Variants in FGD3 observed in about 807,000 individuals in gnomAD.
FGD3 encodes the protein FYVE, RhoGEF and PH domain-containing protein 3.
Under a neutral mutation model 71.8 loss-of-function variants are expected in FGD3, and 45 were observed. The ratio of observed to expected loss-of-function variants is 0.63; its 90% CI spans 0.49 to 0.80. The LOEUF (loss-of-function observed/expected upper bound fraction) is 0.80, where lower values mean the gene tolerates loss of function less well. Among genes scored for constraint, FGD3 ranks in the 30% least tolerant of loss-of-function variants. The pLI is 0.00. For synonymous variants in FGD3, 378 were observed against 392.8 expected, an observed-to-expected ratio of 0.96 and a Z score of 0.44; for missense variants, 844 against 951.5, an observed-to-expected ratio of 0.89 and a Z score of 1.49.
In FGD3 at chr9:93,035,932, A is replaced by G. The variant is rs1190714817; in HGVS notation, c.*343A>G. The G allele has an allele frequency of 7.3e-6, 2 of 273,466 alleles. No individual in the cohort carries two copies. The highest frequency in any genetic ancestry group is 1.4e-5 in the Non-Finnish European group (2 of 144,810). 16.9% of individuals were successfully genotyped at this position (273,466 alleles called of 1,614,324 possible). ...AGCATGGGCACTGCCAGGGACAGCCACATCCTGCTGGTCTGCAGCGTGGTC... is the reference window on the plus strand; with the variant it reads ...AGCATGGGCACTGCCAGGGACAGCCGCATCCTGCTGGTCTGCAGCGTGGTC... On this transcript the variant is annotated 3_prime_UTR_variant, in exon 18 of 18. Transcript: ENST00000375482.
chr9:92,982,767 G>C (rs1184296759), intron 3 of FGD3, among the ~76,000 whole-genome samples: 1 of 152,106 alleles, frequency 6.6e-6, no homozygotes, highest in Non-Finnish European at 1.5e-5. Context: ...AGGAGCACCT[G>C]TTAGAGTCCT....
At chr9:92,954,887 G>T (rs1859021216) in intron 1 of FGD3, among the ~76,000 whole-genome samples, 1 of 152,192 alleles carries the variant, frequency 6.6e-6, no homozygotes, top group African/African-American at 2.4e-5. Flanking sequence ...CTGAACCACA[G>T]CTTTGTCTTC....
chr9:92,959,150 G>C (rs895691342), intron 1 of FGD3, among the ~76,000 whole-genome samples: 1 of 152,040 alleles, frequency 6.6e-6, no homozygotes, highest in Non-Finnish European at 1.5e-5. Context: ...TAGTGGAGAC[G>C]GGGTTTCACC....
chr9:92,991,427 G>A (rs969438031), intron 3 of FGD3, among the ~76,000 whole-genome samples: 1 of 151,990 alleles, frequency 6.6e-6, no homozygotes, highest in African/African-American at 2.4e-5. Context: ...TCATTCAGGA[G>A]CATGTTATTT....
chr9:93,002,903 G>A (rs761847588), intron 3 of FGD3, 22 bp from the exon 4 acceptor site: 9 of 1,612,056 alleles, frequency 5.6e-6, no homozygotes, highest in Non-Finnish European at 7.6e-6. Context: ...CCCCAGGTGA[G>A]CTGCATCTCT....
In FGD3 at chr9:93,003,103, C is replaced by A; in HGVS notation, c.543+89C>A. Reference sequence around the variant, plus strand: ...AGTGTGAATGACTTAAATACTAAAACTCAGACAAATTTAAGTCTGGTCTAC... The same window carrying A: ...AGTGTGAATGACTTAAATACTAAAAATCAGACAAATTTAAGTCTGGTCTAC... On this transcript the variant is annotated intron_variant, in intron 4 of 17. Transcript: ENST00000375482. The surrounding 1 kb of genome is among the most constrained non-coding windows in gnomAD (Gnocchi z 4.1). 8.0e-7 allele frequency: 1 copy of A among 1,252,796 alleles called. No individual in the cohort carries two copies. Among genetic ancestry groups the A allele is most frequent in the Non-Finnish European group, 1.1e-6 (1 of 879,302 alleles). The allele number at this position is 1,252,796 out of a possible 1,614,324, so 77.6% of individuals were successfully genotyped here. A position where few individuals can be genotyped will look rare whatever the true frequency, so the allele number is the denominator to read the frequency against.
rs541720789 is a variant in FGD3 at position 92,966,960 on chromosome 9, C to CT, written c.-217-8264dup. On this transcript the variant is annotated intron_variant, in intron 1 of 17. Transcript: ENST00000375482. ...AAAACATAGCACTTTCATCTTTTTTCTTTTTTTTTTTTTTGGGGGGGGATG... is the reference window on the plus strand; with the variant it reads ...AAAACATAGCACTTTCATCTTTTTTCTTTTTTTTTTTTTTTGGGGGGGGATG... 0.02 allele frequency among the ~76,000 whole-genome samples: 2,810 copies of CT among 142,442 alleles called. 241 individuals are homozygous for CT. In the East Asian group the frequency reaches 0.3, roughly 15 times the overall value. The allele number at this position is 142,442 out of a possible 152,430, so 93.4% of individuals were successfully genotyped here.
intron 3 of FGD3, among the ~76,000 whole-genome samples, 158 bp from the exon 4 acceptor site, chr9:93,002,767 A>T (rs193118008): frequency 1.3e-5 from 2 of 152,242 alleles, no homozygotes; most frequent in Non-Finnish European, 2.9e-5. Context: ...TGAGCACCAC[A>T]TCGCCATCAC....
chr9:93,031,438 GC>G (rs1238521305), intron 15 of FGD3, among the ~76,000 whole-genome samples: 3 of 152,218 alleles, frequency 2.0e-5, no homozygotes, highest in African/African-American at 7.2e-5. Context: ...GTGGCTCGGT[GC>G]CCTCAGTGAC....
Position 93,014,753 on chromosome 9 carries a change from T to A in FGD3, c.1182+755T>A, listed in dbSNP as rs1462426879. Among the ~76,000 whole-genome samples, 5 of 152,308 alleles carry A rather than the reference T, an allele frequency of 3.3e-5. No homozygotes were observed. The South Asian group carries it at 1.0e-3, about 32-fold the overall frequency. ...ACCTCCCAGGTTCAAGCAATTGTCC[T>A]GCCTCAGCCTCCTGAGTAGCTGGGA... On this transcript the variant is annotated intron_variant, in intron 9 of 17. Coordinates refer to ENST00000375482, the MANE Select transcript of FGD3 (RefSeq NM_001083536.2).
At chr9:93,022,273 A>G in intron 13 of FGD3, 54 bp from the exon 14 acceptor site, 1 of 1,565,976 alleles carries the variant, frequency 6.4e-7, no homozygotes, top group South Asian at 1.1e-5. Context: ...CCCGCTGCAC[A>G]GTGGCTGCGT....
intron 14 of FGD3, among the ~76,000 whole-genome samples, chr9:93,022,955 T>A (rs957786799): frequency 6.6e-5 from 10 of 152,140 alleles, no homozygotes; most frequent in African/African-American, 2.2e-4. Context: ...CGCGCCCGCC[T>A]GCCAGGGGAT....
chr9:93,005,900 A>G (rs962981284), intron 5 of FGD3, 124 bp from the exon 6 acceptor site: 1 of 1,043,556 alleles, frequency 9.6e-7, no homozygotes, highest in African/African-American at 1.6e-5. Flanking sequence ...GAGGGTGACC[A>G]ATTTGCTCAC....
chr9:93,011,743 T>C (rs550600498), intron 8 of FGD3, among the ~76,000 whole-genome samples: 1 of 150,542 alleles, frequency 6.6e-6, no homozygotes, highest in Admixed American at 6.6e-5. Flanking sequence ...GTAGTCCCAG[T>C]TACTTGGGAG....
chr9:93,020,083 C>T (rs938983795), intron 12 of FGD3, among the ~76,000 whole-genome samples: 5 of 152,186 alleles, frequency 3.3e-5, no homozygotes, highest in African/African-American at 9.7e-5. Context: ...TAAACATGAG[C>T]GGGCCTGGTG....
intron 1 of FGD3, among the ~76,000 whole-genome samples, chr9:92,955,896 G>A (rs1161729662): frequency 1.3e-5 from 2 of 152,176 alleles, no homozygotes; most frequent in African/African-American, 4.8e-5. Context: ...TTCATGCAGG[G>A]GAATCATCAC....
At chr9:93,033,245 G>T (rs930873067) in intron 16 of FGD3, 7 of 353,224 alleles carry the variant, frequency 2.0e-5, no homozygotes, top group Admixed American at 3.9e-5. Flanking sequence ...ACCTCCAGCT[G>T]TCAGAGGGTG....
Position 93,032,774 on chromosome 9 carries a change from C to T in FGD3, c.1686C>T (p.Ile562=). The change falls in exon 16 of 18, where the codon ATC becomes ATT. Residue 562 remains isoleucine (I), a synonymous_variant. Coordinates refer to ENST00000375482, the MANE Select transcript of FGD3 (RefSeq NM_001083536.2). The part of the protein sequence containing the change: ...RHHCKLCGAV[I]CGKCSEFKAE... ...ACGTGCCCTCTGTTTGGCAGGTCAT[C>T]TGTGGGAAGTGCTCCGAGTTCAAGG... 3 of 1,614,234 alleles carry T rather than the reference C, an allele frequency of 1.9e-6. No homozygotes were observed. The highest frequency in any genetic ancestry group is 1.7e-5 in the Admixed American group (1 of 60,030).
At chr9:92,957,831 A>G (rs1859090913) in intron 1 of FGD3, among the ~76,000 whole-genome samples, 1 of 150,814 alleles carries the variant, frequency 6.6e-6, no homozygotes, top group Admixed American at 6.6e-5. Context: ...ACAGGCGTGC[A>G]CCACTATGCC....
Sources: allele counts gnomAD v4.1 joint callset (sites outside exome capture counted in the v4.1 genomes callset), GRCh38; gene constraint gnomAD v4.1.1; non-coding constraint Gnocchi (gnomAD v3.1); transcripts MANE v1.5; gene names NCBI Gene and HGNC (gene_info 2026-07-23, HGNC 2026-07-21).